LRCH3: variants seen among roughly 807,000 people sequenced by gnomAD.
The protein encoded by LRCH3 is leucine rich repeats and calponin homology domain containing 3.
A neutral mutation model predicts 104.5 loss-of-function variants in LRCH3; 68 were observed. The observed-to-expected ratio is 0.65, with a 90% CI of 0.54 to 0.80. The LOEUF (loss-of-function observed/expected upper bound fraction) is 0.80, where lower values mean the gene tolerates loss of function less well. Among genes scored for constraint, LRCH3 ranks in the 30% least tolerant of loss-of-function variants. The pLI is 0.00. For missense variants in LRCH3, 951 were observed against 953.9 expected, an observed-to-expected ratio of 1.00 and a Z score of 0.04; for synonymous variants, 344 against 361.3, an observed-to-expected ratio of 0.95 and a Z score of 0.54.
chr3:197,795,686 GTTTTTT>G (rs1167369678), intron 1 of LRCH3, among the ~76,000 whole-genome samples: 1 of 65,818 alleles, frequency 1.5e-5, no homozygotes, highest in African/African-American at 6.3e-5. Context: ...AAAAGTTGTT[GTTTTTT>G]TTTTTTTTTT....
At chr3:197,836,492 T>G (rs578254091) in intron 9 of LRCH3, among the ~76,000 whole-genome samples, 1 of 152,344 alleles carries the variant, frequency 6.6e-6, no homozygotes, top group Admixed American at 6.5e-5. Context: ...GATGTGATGT[T>G]GATGTCTGGA....
Position 197,791,435 on chromosome 3 carries a change from C to G in LRCH3, c.157C>G (p.Leu53Val), listed in dbSNP as rs1730482785. 1.3e-6 allele frequency: 2 copies of G among 1,595,946 alleles called. No individual in the cohort carries two copies. Among genetic ancestry groups the G allele is most frequent in the Admixed American group, 3.5e-5 (2 of 56,886 alleles). ...GTGGAGCCGCTCTCTCGATCGAGCC[C>G]TGGAGGAGGCGGCGGTCACTGGGGT... ...GSWSRSLDRA[L>V]EEAAVTGVLS... The change falls in exon 1 of 21, where the codon CTG (leucine) becomes GTG (valine). Residue 53 changes from leucine (L) to valine (V), a missense_variant. Leu to Val is a conservative substitution (Grantham distance 32). Coordinates refer to ENST00000425562, the MANE Select transcript of LRCH3 (RefSeq NM_001365715.1).
intron 4 of LRCH3, 104 bp from the exon 5 acceptor site, chr3:197,826,774 G>A (rs1735252170): frequency 7.3e-7 from 1 of 1,367,984 alleles, no homozygotes; most frequent in Non-Finnish European, 1.0e-6. Context: ...AAAGAGAATG[G>A]GAGTAAATAT....
At chr3:197,838,469 T>TATTTC (rs1246880257) in intron 9 of LRCH3, among the ~76,000 whole-genome samples, 3 of 152,056 alleles carry the variant, frequency 2.0e-5, no homozygotes, top group African/African-American at 7.3e-5. Context: ...AAGTAGATGG[T>TATTTC]AAGTAGTTTT....
In LRCH3 at chr3:197,824,696, C is replaced by T. The variant is rs1383283955; in HGVS notation, c.641-2182C>T. On this transcript the variant is annotated intron_variant, in intron 4 of 20. Coordinates refer to ENST00000425562, the MANE Select transcript of LRCH3 (RefSeq NM_001365715.1). Reference sequence around the variant, plus strand: ...CAAGTGATTCTCTGCCTCAGCCTCCCAAGTAGCTGGGATTATAGGAGCCCG... The same window carrying T: ...CAAGTGATTCTCTGCCTCAGCCTCCTAAGTAGCTGGGATTATAGGAGCCCG... 9.9e-5 allele frequency among the ~76,000 whole-genome samples: 15 copies of T among 150,902 alleles called. 2 individuals carry two copies. In the East Asian group the frequency reaches 3.0e-3, roughly 30 times the overall value.
intron 20 of LRCH3, among the ~76,000 whole-genome samples, chr3:197,879,506 C>T (rs921427215): frequency 1.6e-4 from 24 of 151,300 alleles, no homozygotes; most frequent in African/African-American, 2.5e-4. Flanking sequence ...ATTAGCCGGG[C>T]GTGGTGGCGG....
chr3:197,852,710 T>C, intron 13 of LRCH3, 90 bp downstream of exon 13: 1 of 1,319,444 alleles, frequency 7.6e-7, no homozygotes, highest in East Asian at 2.3e-5. Flanking sequence ...TTTTCAGTGC[T>C]CGGAATATTG....
At chr3:197,800,025 CAAA>C (rs771569061) in intron 1 of LRCH3, among the ~76,000 whole-genome samples, 2 of 134,258 alleles carry the variant, frequency 1.5e-5, no homozygotes, top group Non-Finnish European at 3.2e-5. Flanking sequence ...ACTAAAACTA[CAAA>C]AAAAAAAAAA....
rs139951560 is a variant in LRCH3 at position 197,821,343 on chromosome 3, A to G, written c.640+913A>G. Among the ~76,000 whole-genome samples the G allele has an allele frequency of 3.8e-3, 584 of 152,294 alleles. 2 individuals are homozygous for G. The highest frequency in any genetic ancestry group is 5.1e-3 in the Non-Finnish European group (345 of 68,022). On this transcript the variant is annotated intron_variant, in intron 4 of 20. Transcript: ENST00000425562. ...TGATAAAAATGATTAAACATTAATG[A>G]AGTCTAGTTTATCAATCTTTCACAA...
chr3:197,862,554 G>A (rs1314916679), intron 15 of LRCH3, among the ~76,000 whole-genome samples: 2 of 151,488 alleles, frequency 1.3e-5, no homozygotes, highest in African/African-American at 4.9e-5. Flanking sequence ...TTCCTCCATT[G>A]TCTAGAATAA....
chr3:197,858,828 A>C lies in LRCH3; in HGVS notation c.1645-6A>C. On this transcript the variant is annotated splice_region_variant and splice_polypyrimidine_tract_variant and intron_variant, in intron 14 of 20. Coordinates refer to ENST00000425562, the MANE Select transcript of LRCH3 (RefSeq NM_001365715.1). The stretch of plus-strand genomic sequence containing the variant: ...CTGTTTCTTCTCTTTCTCATTTGAA[A>C]TGTAGTCGCTGTCAGGGTTGAATCA... The C allele has an allele frequency of 1.9e-6, 3 of 1,612,364 alleles. No individual in the cohort carries two copies. Among genetic ancestry groups the C allele is most frequent in the Non-Finnish European group, 2.5e-6 (3 of 1,178,392 alleles).
intron 12 of LRCH3, among the ~76,000 whole-genome samples, chr3:197,850,247 A>G (rs1361157975): frequency 6.6e-6 from 1 of 152,120 alleles, no homozygotes; most frequent in Non-Finnish European, 1.5e-5. Context: ...TGATAATCGT[A>G]CTTAAAACTT....
intron 10 of LRCH3, among the ~76,000 whole-genome samples, chr3:197,847,003 A>T (rs1342929987): frequency 6.6e-6 from 1 of 152,224 alleles, no homozygotes; most frequent in Non-Finnish European, 1.5e-5. Context: ...TTATAAGTAC[A>T]GTTACGAGGT....
At chr3:197,848,131 C>G in intron 12 of LRCH3, 110 bp downstream of exon 12, 1 of 1,076,592 alleles carries the variant, frequency 9.3e-7, no homozygotes, top group Non-Finnish European at 1.3e-6. Context: ...ATTTTTCTCT[C>G]TGTAAGGAAT....
At chr3:197,877,996 A>G (rs1249157839) in intron 20 of LRCH3, among the ~76,000 whole-genome samples, 1 of 152,242 alleles carries the variant, frequency 6.6e-6, no homozygotes, top group Non-Finnish European at 1.5e-5. Flanking sequence ...TTATTCTAAT[A>G]GTGCACATTA....
chr3:197,858,023 T>C lies in LRCH3; in HGVS notation c.1645-811T>C, dbSNP rs762642449. ...AGTTTAAATTTTTAAAAATTACTTATAAAGACTTCACTATTTTTAAGCTCT... is the reference window on the plus strand; with the variant it reads ...AGTTTAAATTTTTAAAAATTACTTACAAAGACTTCACTATTTTTAAGCTCT... On this transcript the variant is annotated intron_variant, in intron 14 of 20. Coordinates refer to ENST00000425562, the MANE Select transcript of LRCH3 (RefSeq NM_001365715.1). Among the ~76,000 whole-genome samples, 5 of 152,330 alleles carry C rather than the reference T, an allele frequency of 3.3e-5. No homozygotes were observed. In the East Asian group the frequency reaches 9.6e-4, roughly 29 times the overall value.
chr3:197,807,038 C>T (rs79650667), intron 1 of LRCH3, among the ~76,000 whole-genome samples: 3 of 143,928 alleles, frequency 2.1e-5, no homozygotes, highest in Admixed American at 1.4e-4. Context: ...GACCCTGTGT[C>T]AAAAAAAAAA....
At chr3:197,839,250 G>T in intron 9 of LRCH3, 71 bp from the exon 10 acceptor site, 1 of 934,690 alleles carries the variant, frequency 1.1e-6, no homozygotes, top group Non-Finnish European at 1.6e-6. Context: ...TGACAAATTG[G>T]ATGTGAACTG....
intron 1 of LRCH3, among the ~76,000 whole-genome samples, chr3:197,794,039 C>T (rs1286535362): frequency 5.3e-5 from 8 of 152,160 alleles, no homozygotes; most frequent in Non-Finnish European, 1.0e-4. Flanking sequence ...AAATACTATC[C>T]CCACTTTACA....
Sources: gnomAD v4.1 joint callset for allele counts (sites outside exome capture counted in the v4.1 genomes callset) on GRCh38, gnomAD v4.1.1 for gene constraint, MANE v1.5 for transcripts, NCBI Gene and HGNC (gene_info 2026-07-23, HGNC 2026-07-21) for gene names.